Variants in VPS41 observed in about 807,000 individuals in gnomAD.
VPS41 encodes the protein VPS41 subunit of HOPS complex.
Under a neutral mutation model 130.9 loss-of-function variants are expected in VPS41, and 85 were observed. The ratio of observed to expected loss-of-function variants is 0.65; its 90% CI spans 0.55 to 0.78. The LOEUF (loss-of-function observed/expected upper bound fraction) is 0.78, where lower values mean the gene tolerates loss of function less well. Ranked by LOEUF, VPS41 falls within the 30% of genes least tolerant of loss-of-function variation. The pLI, the probability that VPS41 is intolerant of heterozygous loss-of-function variation, is 0.00. For synonymous variants in VPS41, 335 were observed against 332.9 expected, an observed-to-expected ratio of 1.01 and a Z score of -0.07; for missense variants, 874 against 1,018.7, an observed-to-expected ratio of 0.86 and a Z score of 1.93.
chr7:38,815,941 T>C (rs201431214), intron 7 of VPS41, among the ~76,000 whole-genome samples: 33 of 142,804 alleles, frequency 2.3e-4, no homozygotes, highest in Middle Eastern at 3.5e-3. Flanking sequence ...TATATATATA[T>C]ACACATATAT....
intron 25 of VPS41, among the ~76,000 whole-genome samples, chr7:38,736,769 T>C (rs963982008): frequency 6.6e-6 from 1 of 152,260 alleles, no homozygotes; most frequent in African/African-American, 2.4e-5. Context: ...AGAATCATAA[T>C]TGTAAAACTG....
chr7:38,845,746 A>G (rs1235805244), intron 4 of VPS41, among the ~76,000 whole-genome samples: 3 of 152,228 alleles, frequency 2.0e-5, no homozygotes, highest in African/African-American at 7.2e-5. Context: ...CACACTATCA[A>G]TGAAGAATTG....
At chr7:38,742,826 G>A (rs1260851260) in intron 24 of VPS41, among the ~76,000 whole-genome samples, 1 of 151,272 alleles carries the variant, frequency 6.6e-6, no homozygotes, top group Non-Finnish European at 1.5e-5. Flanking sequence ...CAAAAGAGTT[G>A]GGTTTCTGTT....
chr7:38,836,557 A>C (rs1489975605), intron 4 of VPS41, among the ~76,000 whole-genome samples: 1 of 152,146 alleles, frequency 6.6e-6, no homozygotes, highest in East Asian at 1.9e-4. Context: ...TTATAGGTAA[A>C]GGATATTTAC....
intron 3 of VPS41, among the ~76,000 whole-genome samples, chr7:38,863,681 A>G (rs1786167605): frequency 6.6e-6 from 1 of 152,198 alleles, no homozygotes; most frequent in Non-Finnish European, 1.5e-5. Context: ...GCCTTTTTTC[A>G]GGAAGAAAAA....
At chr7:38,858,762 C>T (rs925451469) in intron 4 of VPS41, among the ~76,000 whole-genome samples, 1 of 152,170 alleles carries the variant, frequency 6.6e-6, no homozygotes, top group Non-Finnish European at 1.5e-5. Context: ...AAGTCTAGCA[C>T]ACACAATTAT....
At chr7:38,827,635 G>C (rs1422077737) in intron 5 of VPS41, among the ~76,000 whole-genome samples, 1 of 152,188 alleles carries the variant, frequency 6.6e-6, no homozygotes, top group Non-Finnish European at 1.5e-5. Context: ...GCACTGCCAG[G>C]CCAGCAACAT....
intron 21 of VPS41, among the ~76,000 whole-genome samples, chr7:38,753,581 G>T (rs1783726890): frequency 1.3e-5 from 2 of 152,114 alleles, no homozygotes; most frequent in African/African-American, 4.8e-5. Context: ...ACATTGCCTG[G>T]CAGGGAAGAT....
chr7:38,812,606 A>G (rs1322509264), intron 7 of VPS41, among the ~76,000 whole-genome samples: 1 of 152,130 alleles, frequency 6.6e-6, no homozygotes, highest in Non-Finnish European at 1.5e-5. Flanking sequence ...TGAAAAGACA[A>G]CTCATAGGCT....
intron 21 of VPS41, 101 bp from the exon 22 acceptor site, chr7:38,752,414 T>G: frequency 7.0e-7 from 1 of 1,420,652 alleles, no homozygotes; most frequent in Non-Finnish European, 9.6e-7. Flanking sequence ...ATGGACAGGT[T>G]GGGGGAGAAG....
At chr7:38,797,921 T>C (rs1343736338) in intron 7 of VPS41, among the ~76,000 whole-genome samples, 3 of 152,182 alleles carry the variant, frequency 2.0e-5, no homozygotes, top group African/African-American at 7.2e-5. Context: ...AAAGTACAGT[T>C]ACTTTAAAAT....
chr7:38,832,943 C>T (rs115660803), intron 4 of VPS41, among the ~76,000 whole-genome samples: 1 of 152,154 alleles, frequency 6.6e-6, no homozygotes, highest in African/African-American at 2.4e-5. Flanking sequence ...CTAATATGCA[C>T]CTCATCTAAA....
chr7:38,757,994 G>C lies in VPS41; in HGVS notation c.1550+360C>G, dbSNP rs534603999. On this transcript the variant is annotated intron_variant, in intron 18 of 28. Transcript: ENST00000310301. ...TCCCATAAGGAATTGACATTTGAGA[G>C]ATTAAATTAACTGACTTGAAGACCC... Among the ~76,000 whole-genome samples the C allele has an allele frequency of 6.2e-4, 95 of 152,280 alleles. No homozygotes were observed. The Middle Eastern group carries it at 0.01, about 16-fold the overall frequency.
chr7:38,767,556 C>T lies in VPS41; in HGVS notation c.1228G>A (p.Asp410Asn), dbSNP rs1426724827. 1 of 1,609,112 alleles carries T rather than the reference C, an allele frequency of 6.2e-7. No homozygotes were observed. Among genetic ancestry groups the T allele is most frequent in the Non-Finnish European group, 8.5e-7 (1 of 1,176,846 alleles). Residue 410 changes from aspartate (D) to asparagine (N), a missense_variant, in exon 15 of 29, where the codon GAC (aspartate) becomes AAC (asparagine). Asp to Asn is a conservative substitution (Grantham distance 23). Coordinates refer to ENST00000310301, the MANE Select transcript of VPS41 (RefSeq NM_014396.4). ...AYINHLVERG[D>N]YDIAARKCQK... ...CATTACCGTGCTGCTATGTCATAGT[C>T]TCCTCTCTCCACCAGGTGATTTATA... is the stretch of plus-strand genomic sequence containing the variant.
chr7:38,729,967 G>A (rs182075529), intron 25 of VPS41, among the ~76,000 whole-genome samples: 13 of 152,146 alleles, frequency 8.5e-5, no homozygotes, highest in Admixed American at 5.9e-4. Flanking sequence ...TTTTTCAGAG[G>A]GAGAAACTCA....
At chr7:38,846,604 G>A (rs1003311870) in intron 4 of VPS41, among the ~76,000 whole-genome samples, 17 of 152,252 alleles carry the variant, frequency 1.1e-4, no homozygotes, top group Non-Finnish European at 2.4e-4. Context: ...GGAGTCAGTC[G>A]AGTGTTTTCA....
At chr7:38,877,665 A>C (rs148203278) in intron 2 of VPS41, among the ~76,000 whole-genome samples, 1,594 of 152,300 alleles carry the variant, frequency 0.01, 8 homozygotes, top group Non-Finnish European at 0.014. Flanking sequence ...CACCCCCACC[A>C]AAGCCTCTAC....
chr7:38,820,383 G>A (rs1196312705), intron 6 of VPS41, among the ~76,000 whole-genome samples: 1 of 152,010 alleles, frequency 6.6e-6, no homozygotes, highest in Non-Finnish European at 1.5e-5. Context: ...GTCAATAAAT[G>A]TTTGAATAAA....
chr7:38,744,191 T>C (rs777449855), intron 23 of VPS41, among the ~76,000 whole-genome samples: 1 of 152,220 alleles, frequency 6.6e-6, no homozygotes, highest in Non-Finnish European at 1.5e-5. Context: ...TGTCTTTACA[T>C]ACTTTGCTCA....
Sources: gnomAD v4.1 joint callset for allele counts (sites outside exome capture counted in the v4.1 genomes callset) on GRCh38, gnomAD v4.1.1 for gene constraint, MANE v1.5 for transcripts, NCBI Gene and HGNC (gene_info 2026-07-23, HGNC 2026-07-21) for gene names.